Variants in COL4A4 observed in about 807,000 individuals in gnomAD.
COL4A4 encodes collagen alpha-4(IV) chain.
COL4A4 carries 105 observed loss-of-function variants against 192.9 expected under a neutral mutation model. The observed-to-expected ratio is 0.54, with a 90% CI of 0.46 to 0.64. The LOEUF (loss-of-function observed/expected upper bound fraction) is 0.64, where lower values mean the gene tolerates loss of function less well. COL4A4 is among the 30% of genes least tolerant of loss of function. The pLI, the probability that COL4A4 is intolerant of heterozygous loss-of-function variation, is 0.00. For synonymous variants in COL4A4, 762 were observed against 769.9 expected (o/e 0.99, Z 0.17); for missense variants, 1,967 against 2,169.3 (o/e 0.91, Z 1.85).
chr2:227,125,930 G>C (rs772767193), intron 4 of COL4A4, among the ~76,000 whole-genome samples: 8 of 152,192 alleles, frequency 5.3e-5, no homozygotes, highest in Non-Finnish European at 8.8e-5. Context: ...CCAAGGTCAT[G>C]ATGGTAAGAA....
At chr2:227,099,733 T>G (rs961566529) in intron 17 of COL4A4, 44 bp from the exon 18 acceptor site, 2 of 1,548,580 alleles carry the variant, frequency 1.3e-6, no homozygotes, top group Non-Finnish European at 1.8e-6. Context: ...ATATTAATTT[T>G]ACTCATGTTG....
intron 25 of COL4A4, among the ~76,000 whole-genome samples, chr2:227,066,718 G>A (rs1343562633): frequency 0.035 from 5,216 of 149,786 alleles, 165 homozygotes; most frequent in African/African-American, 0.09. Context: ...TGAAGGAAGC[G>A]CTAAACATGG....
chr2:227,060,993 T>G (rs3731590), intron 26 of COL4A4, among the ~76,000 whole-genome samples: 94,084 of 151,942 alleles, frequency 0.62, 29,399 homozygotes, highest in South Asian at 0.74. Flanking sequence ...CCCAAAGTGC[T>G]GAGATTACAG....
intron 4 of COL4A4, among the ~76,000 whole-genome samples, chr2:227,122,720 G>A (rs912501132): frequency 1.3e-5 from 2 of 152,144 alleles, no homozygotes; most frequent in African/African-American, 2.4e-5. Flanking sequence ...CCAGACAATC[G>A]CATAGCATGA....
At chr2:227,104,722 C>A (rs2060727659) in intron 12 of COL4A4, among the ~76,000 whole-genome samples, 1 of 142,638 alleles carries the variant, frequency 7.0e-6, no homozygotes, top group Admixed American at 7.3e-5. Flanking sequence ...CTCACAGCAA[C>A]CTCCGCCTCC....
intron 47 of COL4A4, 133 bp from the exon 48 acceptor site, chr2:227,007,721 G>A: frequency 7.8e-7 from 1 of 1,276,752 alleles, no homozygotes; most frequent in Non-Finnish European, 1.1e-6. Flanking sequence ...CAAAATACAA[G>A]CGCTGAAAAG....
chr2:227,065,418 T>C (rs927423406), intron 25 of COL4A4, among the ~76,000 whole-genome samples: 2 of 152,234 alleles, frequency 1.3e-5, no homozygotes, highest in Non-Finnish European at 2.9e-5. Context: ...GCTCCACCTC[T>C]GGGGGCAGGG....
intron 43 of COL4A4, among the ~76,000 whole-genome samples, chr2:227,022,936 T>G (rs1049345558): frequency 2.7e-5 from 4 of 150,194 alleles, no homozygotes; most frequent in South Asian, 2.1e-4. Context: ...GTTTTTGGTT[T>G]GTTTGTTTGT....
chr2:227,092,354 A>G (rs1463763449), intron 20 of COL4A4, among the ~76,000 whole-genome samples: 1 of 152,216 alleles, frequency 6.6e-6, no homozygotes, highest in Non-Finnish European at 1.5e-5. Flanking sequence ...GAGGTAGTAA[A>G]GCATTAAAAA....
chr2:226,990,334 T>G, the COL4A4 span, among the ~76,000 whole-genome samples: 1 of 152,200 alleles, frequency 6.6e-6, no homozygotes, highest in Non-Finnish European at 1.5e-5. Context: ...CGCATGCTGC[T>G]GCCCTCATCT....
intron 44 of COL4A4, among the ~76,000 whole-genome samples, chr2:227,017,956 G>A (rs1266012398): frequency 3.9e-5 from 6 of 152,128 alleles, no homozygotes. Context: ...GAGGCTGGAG[G>A]GGAGGAGGAG....
At chr2:227,063,203 A>T (rs1977571019) in intron 25 of COL4A4, among the ~76,000 whole-genome samples, 1 of 152,172 alleles carries the variant, frequency 6.6e-6, no homozygotes, top group African/African-American at 2.4e-5. Flanking sequence ...ATGTTTAAAG[A>T]AAGTTAATAA....
At chr2:227,109,357 T>C (rs2061048115) in intron 9 of COL4A4, 71 bp from the exon 10 acceptor site, 1 of 1,224,108 alleles carries the variant, frequency 8.2e-7, no homozygotes, top group Non-Finnish European at 1.2e-6. Flanking sequence ...GAGTTGCGTG[T>C]GATCCCATGT....
chr2:226,991,236 A>G, the COL4A4 span, among the ~76,000 whole-genome samples: 1 of 152,228 alleles, frequency 6.6e-6, no homozygotes. Context: ...GCTGAAGTGC[A>G]GTGGCAAGAT....
At chr2:227,013,220 T>C (rs962092081) in intron 44 of COL4A4, among the ~76,000 whole-genome samples, 14 of 152,150 alleles carry the variant, frequency 9.2e-5, no homozygotes, top group African/African-American at 3.4e-4. Flanking sequence ...ATTTCCTGAA[T>C]TACTAGCCTT....
chr2:227,115,800 T>C (rs1422475470), intron 7 of COL4A4, among the ~76,000 whole-genome samples: 4 of 152,168 alleles, frequency 2.6e-5, no homozygotes, highest in Non-Finnish European at 5.9e-5. Flanking sequence ...CTTTGCACAG[T>C]TCCAGTCTGA....
intron 22 of COL4A4, 100 bp from the exon 23 acceptor site, chr2:227,082,287 T>C: frequency 9.1e-7 from 1 of 1,097,260 alleles, no homozygotes; most frequent in South Asian, 1.2e-5. Flanking sequence ...CTAAATCTCT[T>C]GTTAAAGATT....
Position 227,111,704 on chromosome 2 carries a change from C to G in COL4A4, c.568G>C (p.Gly190Arg). 3 of 1,614,092 alleles carry G rather than the reference C, an allele frequency of 1.9e-6. No individual in the cohort carries two copies. The highest frequency in any genetic ancestry group is 2.5e-6 in the Non-Finnish European group (3 of 1,179,956). Residue 190 changes from glycine to arginine, a missense_variant, in exon 9 of 48, where the codon GGG becomes CGG. Gly to Arg is a moderately radical substitution (Grantham distance 125). Coordinates refer to ENST00000396625, the MANE Select transcript of COL4A4 (RefSeq NM_000092.5). Reference protein sequence around the residue: ...GAVKGIQGDRGDPGLPGLPGS... With the variant: ...GAVKGIQGDRRDPGLPGLPGS... ...GGTAAGCCAGGCAGTCCTGGGTCCC[C>G]TCTGTCTCCCTGCAAAAATAAGAAT... is the stretch of plus-strand genomic sequence containing the variant.
chr2:227,126,310 A>G (rs2062084772), intron 4 of COL4A4, among the ~76,000 whole-genome samples: 1 of 152,208 alleles, frequency 6.6e-6, no homozygotes, highest in Non-Finnish European at 1.5e-5. Context: ...CATGGATGCA[A>G]AGAGATAAGT....
Sources: allele counts gnomAD v4.1 joint callset (sites outside exome capture counted in the v4.1 genomes callset), GRCh38; gene constraint gnomAD v4.1.1; transcripts MANE v1.5; gene names NCBI Gene and HGNC (gene_info 2026-07-23, HGNC 2026-07-21).